Variants in FRMPD4 observed in about 807,000 individuals in gnomAD.
FRMPD4 encodes the protein FERM and PDZ domain containing 4.
FRMPD4 carries 22 observed loss-of-function variants against 94.1 expected under a neutral mutation model. The observed-to-expected ratio is 0.23, with a 90% CI of 0.17 to 0.33. FRMPD4 has a LOEUF of 0.33. FRMPD4 is among the 10% of genes least tolerant of loss of function. The probability of loss-of-function intolerance (pLI) is 1.00; values close to 1 mark genes in which losing one functional copy is unlikely to be tolerated. For synonymous variants in FRMPD4, 631 were observed against 548.6 expected (o/e 1.15, Z -2.10); for missense variants, 1,111 against 1,339.9 (o/e 0.83, Z 2.67).
intron 1 of FRMPD4, among the ~76,000 whole-genome samples, chrX:12,276,945 C>A (rs1379024579): frequency 1.9e-5 from 2 of 108,101 alleles, no homozygotes; most frequent in Non-Finnish European, 3.8e-5. Flanking sequence ...AATGGTGAAA[C>A]CCCGTCTCTA....
intron 3 of FRMPD4, among the ~76,000 whole-genome samples, chrX:11,965,290 G>A (rs904731095): frequency 8.9e-6 from 1 of 112,069 alleles, no homozygotes; most frequent in African/African-American, 3.2e-5. Flanking sequence ...TTAATTAGAA[G>A]GGTGTTTGCT....
intron 1 of FRMPD4, among the ~76,000 whole-genome samples, chrX:11,849,517 T>G (rs2053607360): frequency 9.0e-6 from 1 of 111,445 alleles, no homozygotes; most frequent in African/African-American, 3.3e-5. Flanking sequence ...GTTTCAAAAC[T>G]TATCACAAAG....
At chrX:12,713,931 C>G (rs754964191) in intron 14 of FRMPD4, among the ~76,000 whole-genome samples, 1 of 111,801 alleles carries the variant, frequency 8.9e-6, no homozygotes, top group African/African-American at 3.3e-5. Flanking sequence ...TGAAAATTAG[C>G]CTTCAAGCAC....
intron 3 of FRMPD4, among the ~76,000 whole-genome samples, chrX:12,037,358 A>G (rs766140442): frequency 4.4e-4 from 49 of 111,648 alleles, no homozygotes; most frequent in Non-Finnish European, 8.3e-4. Flanking sequence ...GTTAAGATAT[A>G]GAACATTTCG....
intron 2 of FRMPD4, among the ~76,000 whole-genome samples, chrX:12,550,611 A>G (rs558940573): frequency 1.8e-5 from 2 of 111,394 alleles, no homozygotes; most frequent in Middle Eastern, 9.5e-3. Context: ...CCCATTTATT[A>G]AAGAGTATCC....
chrX:12,149,903 CA>C (rs1304788924), intron 1 of FRMPD4, among the ~76,000 whole-genome samples: 1 of 111,274 alleles, frequency 9.0e-6, no homozygotes, highest in African/African-American at 3.3e-5. Context: ...CAGCATCCAT[CA>C]ACATGGAGGC....
intron 1 of FRMPD4, among the ~76,000 whole-genome samples, chrX:12,262,788 TC>T (rs2054212804): frequency 1.8e-5 from 2 of 111,805 alleles, no homozygotes; most frequent in Non-Finnish European, 3.8e-5. Context: ...GATAGTTGTC[TC>T]TTCCTTGTGA....
At chrX:12,699,359 G>T (rs370172018) in intron 9 of FRMPD4, among the ~76,000 whole-genome samples, 31 of 112,384 alleles carry the variant, frequency 2.8e-4, no homozygotes, top group East Asian at 2.2e-3. Context: ...AATCCAAATA[G>T]GTTTAAGATT....
intron 2 of FRMPD4, among the ~76,000 whole-genome samples, chrX:12,537,425 T>G (rs1051433470): frequency 6.4e-5 from 7 of 109,392 alleles, no homozygotes; most frequent in Non-Finnish European, 7.6e-5. Flanking sequence ...GAAGTATATG[T>G]GTATTCCAAC....
chrX:11,897,558 G>A, intron 3 of FRMPD4, among the ~76,000 whole-genome samples: 1 of 111,843 alleles, frequency 8.9e-6, no homozygotes, highest in Non-Finnish European at 1.9e-5. Flanking sequence ...AATATTTCCA[G>A]AACACAAAAT....
intron 1 of FRMPD4, among the ~76,000 whole-genome samples, chrX:12,440,551 C>T (rs774663815): frequency 1.7e-4 from 19 of 111,735 alleles, no homozygotes; most frequent in African/African-American, 6.2e-4. Flanking sequence ...TTTGATATTA[C>T]TTGCATCTCT....
chrX:12,693,749 C>G (rs1018835791), intron 8 of FRMPD4, among the ~76,000 whole-genome samples: 1 of 112,248 alleles, frequency 8.9e-6, no homozygotes, highest in African/African-American at 3.2e-5. Flanking sequence ...GACAATCTCT[C>G]TGCTGTCTCT....
intron 2 of FRMPD4, among the ~76,000 whole-genome samples, chrX:11,866,546 C>T (rs1008550688): frequency 3.6e-5 from 4 of 111,343 alleles, no homozygotes; most frequent in Non-Finnish European, 5.7e-5. Context: ...CACATATCAC[C>T]TCGGTAAGAG....
intron 3 of FRMPD4, among the ~76,000 whole-genome samples, chrX:11,953,753 G>A (rs2054239323): frequency 8.9e-6 from 1 of 111,878 alleles, no homozygotes; most frequent in African/African-American, 3.3e-5. Flanking sequence ...CTCTTAAGGG[G>A]CCATTCAAGG....
At chrX:12,665,397 T>A (rs1305635426) in intron 4 of FRMPD4, among the ~76,000 whole-genome samples, 3 of 110,280 alleles carry the variant, frequency 2.7e-5, no homozygotes. Flanking sequence ...TGAGCCAAGA[T>A]TGCACCACTG....
chrX:12,058,972 AAGC>A (rs1271625843), intron 3 of FRMPD4, among the ~76,000 whole-genome samples: 1 of 107,338 alleles, frequency 9.3e-6, no homozygotes, highest in African/African-American at 3.3e-5. Context: ...TAAGTGAAAA[AAGC>A]AGTCTCTAAA....
chrX:12,382,523 T>TAG (rs200396028), intron 1 of FRMPD4, among the ~76,000 whole-genome samples: 8,541 of 55,839 alleles, frequency 0.15, 673 homozygotes, highest in East Asian at 0.39. Context: ...TAGCATAGCA[T>TAG]AGCATAGAGC....
At chrX:11,851,318 T>A (rs2053620737) in intron 1 of FRMPD4, among the ~76,000 whole-genome samples, 1 of 111,946 alleles carries the variant, frequency 8.9e-6, no homozygotes, top group Admixed American at 9.5e-5. Flanking sequence ...GAAATGAATC[T>A]GTCTCCAATG....
chrX:12,670,518 T>C (rs932098260), intron 4 of FRMPD4, among the ~76,000 whole-genome samples: 51 of 111,897 alleles, frequency 4.6e-4, no homozygotes, highest in Admixed American at 5.7e-4. Context: ...ATAAATGGTG[T>C]TGGGAAAACT....
Sources: allele counts gnomAD v4.1 joint callset (sites outside exome capture counted in the v4.1 genomes callset), GRCh38; gene constraint gnomAD v4.1.1; transcripts MANE v1.5; gene names NCBI Gene and HGNC (gene_info 2026-07-23, HGNC 2026-07-21).